FAM135B: variants seen among roughly 807,000 people sequenced by gnomAD.
The protein encoded by FAM135B is protein FAM135B.
In FAM135B, 43 loss-of-function variants were observed where a neutral mutation model predicts 127.7. The observed-to-expected ratio is 0.34, with a 90% confidence interval of 0.26 to 0.43. The LOEUF (loss-of-function observed/expected upper bound fraction) is 0.43. Ranked by LOEUF, FAM135B falls within the 20% of genes least tolerant of loss-of-function variation. FAM135B has a pLI of 1.00. For missense variants in FAM135B, 1,558 were observed against 1,725.6 expected (o/e 0.90, Z 1.72); for synonymous variants, 670 against 665.1 (o/e 1.01, Z -0.11).
At chr8:138,134,319 A>C (rs1816449684) in intron 19 of FAM135B, among the ~76,000 whole-genome samples, 1 of 152,238 alleles carries the variant, frequency 6.6e-6, no homozygotes, top group Non-Finnish European at 1.5e-5. Flanking sequence ...AAATAGAAGC[A>C]TATATTGTTA....
intron 2 of FAM135B, among the ~76,000 whole-genome samples, chr8:138,316,028 A>T (rs1388164639): frequency 6.6e-6 from 1 of 152,230 alleles, no homozygotes. Context: ...TACTTACCAC[A>T]GAAAAATTTA....
chr8:138,340,691 C>T (rs902355761), intron 2 of FAM135B, among the ~76,000 whole-genome samples: 15 of 152,122 alleles, frequency 9.9e-5, no homozygotes, highest in African/African-American at 2.4e-4. Context: ...CGTGGTCCAG[C>T]TCTCCCACAT....
intron 9 of FAM135B, among the ~76,000 whole-genome samples, chr8:138,191,642 G>T (rs1816134354): frequency 6.6e-6 from 1 of 152,236 alleles, no homozygotes; most frequent in South Asian, 2.1e-4. Flanking sequence ...AGCACTGGGG[G>T]CTTGGGAAAT....
intron 1 of FAM135B, among the ~76,000 whole-genome samples, chr8:138,475,753 C>A (rs1814392028): frequency 6.6e-6 from 1 of 152,150 alleles, no homozygotes; most frequent in Non-Finnish European, 1.5e-5. Flanking sequence ...GGATGTGGAA[C>A]AACAGACATG....
chr8:138,478,988 C>T (rs1814647840), intron 1 of FAM135B, among the ~76,000 whole-genome samples: 1 of 152,192 alleles, frequency 6.6e-6, no homozygotes, highest in Non-Finnish European at 1.5e-5. Flanking sequence ...AGCTCTATGT[C>T]ACAGGTTCCC....
chr8:138,424,745 A>G (rs1834741717), intron 1 of FAM135B, among the ~76,000 whole-genome samples: 1 of 152,212 alleles, frequency 6.6e-6, no homozygotes, highest in African/African-American at 2.4e-5. Flanking sequence ...TAGTGCCTCT[A>G]CTTATTGGAT....
rs548560527 is a variant in FAM135B, at chr8:138,443,095, C to T, written c.-20+53576G>A. On this transcript the variant is annotated intron_variant, in intron 1 of 19. Coordinates refer to ENST00000395297, the MANE Select transcript of FAM135B (RefSeq NM_015912.4). ...GACCCCAGTAGGTCCTATCTCAAGGCTGTGTGTTTGTGGAGTTGTGTGCAA... is the reference window on the plus strand; with the variant it reads ...GACCCCAGTAGGTCCTATCTCAAGGTTGTGTGTTTGTGGAGTTGTGTGCAA... Among the ~76,000 whole-genome samples, 12 of 152,200 alleles carry T rather than the reference C, an allele frequency of 7.9e-5. No homozygotes were observed. In the South Asian group the frequency reaches 2.3e-3, roughly 29 times the overall value.
chr8:138,223,235 A>G (rs539396438), intron 7 of FAM135B, among the ~76,000 whole-genome samples: 86 of 152,198 alleles, frequency 5.7e-4, no homozygotes, highest in Non-Finnish European at 1.1e-3. Flanking sequence ...CTATTCCACC[A>G]GGGCCCATTT....
Position 138,276,870 on chromosome 8 carries a change from G to A in FAM135B, c.158-11028C>T, listed in dbSNP as rs1350420496. ...CCTGCAGGTCACCGGCTGCCCTGGT[G>A]TAAATCCTCTAGCTATGAATGATAG... On this transcript the variant is annotated intron_variant, in intron 3 of 19. Coordinates refer to ENST00000395297, the MANE Select transcript of FAM135B (RefSeq NM_015912.4). 2.6e-5 allele frequency among the ~76,000 whole-genome samples: 4 copies of A among 152,336 alleles called. No homozygotes were observed. The South Asian group carries it at 6.2e-4, about 24-fold the overall frequency.
At chr8:138,313,437 C>T (rs887757422) in intron 2 of FAM135B, among the ~76,000 whole-genome samples, 1 of 151,820 alleles carries the variant, frequency 6.6e-6, no homozygotes, top group Non-Finnish European at 1.5e-5. Context: ...TGGCCTAAAA[C>T]ATATTCTAAA....
intron 3 of FAM135B, among the ~76,000 whole-genome samples, chr8:138,271,668 A>AT (rs1823387203): frequency 6.6e-6 from 1 of 152,216 alleles, no homozygotes; most frequent in Non-Finnish European, 1.5e-5. Flanking sequence ...AGAATGCCTT[A>AT]TATAGGCTAA....
At chr8:138,386,827 G>A (rs1236998830) in intron 1 of FAM135B, among the ~76,000 whole-genome samples, 3 of 152,190 alleles carry the variant, frequency 2.0e-5, no homozygotes, top group African/African-American at 7.2e-5. Flanking sequence ...GGCCAAGCAT[G>A]TGTCAACCGC....
chr8:138,151,875 G>T lies in FAM135B; in HGVS notation c.2600C>A (p.Thr867Asn). The T allele has an allele frequency of 6.2e-7, 1 of 1,613,996 alleles. No homozygotes were observed. The highest frequency in any genetic ancestry group is 8.5e-7 in the Non-Finnish European group (1 of 1,179,894). ...AQGHCLPDGR[T>N]ENTPGVETKG... ...GGTTTCAACACCTGGAGTGTTCTCA[G>T]TCCTGCCATCAGGAAGACAGTGTCC... Residue 867 changes from threonine (T) to asparagine (N), a missense_variant, in exon 13 of 20, where the codon ACT (threonine) becomes AAT (asparagine). By Grantham distance (65) the Thr-to-Asn change is moderately conservative (BLOSUM62 0). Coordinates refer to ENST00000395297, the MANE Select transcript of FAM135B (RefSeq NM_015912.4).
intron 13 of FAM135B, among the ~76,000 whole-genome samples, chr8:138,149,734 G>C (rs1817967624): frequency 6.6e-6 from 1 of 151,974 alleles, no homozygotes; most frequent in East Asian, 1.9e-4. Flanking sequence ...GCTTTGCCTG[G>C]CTGCTATCCC....
chr8:138,136,186 A>T (rs546749415), intron 19 of FAM135B, among the ~76,000 whole-genome samples: 1 of 152,106 alleles, frequency 6.6e-6, no homozygotes, highest in East Asian at 1.9e-4. Context: ...TTCCTGTTGG[A>T]TTTTCTAGAT....
chr8:138,284,430 G>A (rs540098995), intron 3 of FAM135B, among the ~76,000 whole-genome samples: 16 of 152,020 alleles, frequency 1.1e-4, no homozygotes, highest in Admixed American at 3.3e-4. Context: ...AGTTGCTCCC[G>A]GCCCGAAGCC....
intron 1 of FAM135B, among the ~76,000 whole-genome samples, chr8:138,428,833 A>G (rs1835043376): frequency 6.6e-6 from 1 of 152,134 alleles, no homozygotes; most frequent in African/African-American, 2.4e-5. Context: ...GCAGGCTTCT[A>G]TTTATACCTC....
intron 1 of FAM135B, among the ~76,000 whole-genome samples, chr8:138,426,138 G>A (rs11775672): frequency 0.69 from 96,632 of 139,648 alleles, 34,440 homozygotes; most frequent in African/African-American, 0.82. Flanking sequence ...GTGTGTGTGT[G>A]TATATATATA....
At chr8:138,142,951 C>T (rs1284031033) in intron 16 of FAM135B, 61 bp downstream of exon 16, 1 of 859,786 alleles carries the variant, frequency 1.2e-6, no homozygotes, top group African/African-American at 1.7e-5. Flanking sequence ...TTTTATACAG[C>T]AAACACTCAA....
Sources: allele counts gnomAD v4.1 joint callset (sites outside exome capture counted in the v4.1 genomes callset), GRCh38; gene constraint gnomAD v4.1.1; transcripts MANE v1.5; gene names NCBI Gene and HGNC (gene_info 2026-07-23, HGNC 2026-07-21).